The following MYCT1 variants were observed in gnomAD, a reference collection of about 807,000 sequenced individuals.
The protein encoded by MYCT1 is MYC target 1, also known as myc target protein 1.
MYCT1 carries 12 observed loss-of-function variants against 15.0 expected under a neutral mutation model. That is an observed-to-expected ratio of 0.80 (90% CI 0.51 to 1.29). The LOEUF is 1.29. Among genes scored for constraint, MYCT1 ranks in the 50% most tolerant of loss-of-function variants. MYCT1 has a pLI of 0.00. For synonymous variants in MYCT1, 104 were observed against 102.7 expected, an observed-to-expected ratio of 1.01 and a Z score of -0.07; for missense variants, 287 against 279.1, an observed-to-expected ratio of 1.03 and a Z score of -0.20.
downstream of MYCT1, among the ~76,000 whole-genome samples, chr6:152,726,349 A>G (rs2099725645): frequency 6.7e-6 from 1 of 148,566 alleles, no homozygotes; most frequent in South Asian, 2.2e-4. Flanking sequence ...GTGAGCCGAG[A>G]TTGTGCAATT....
chr6:152,725,865 T>C (rs777627650), downstream of MYCT1, among the ~76,000 whole-genome samples: 3 of 152,202 alleles, frequency 2.0e-5, no homozygotes, highest in Non-Finnish European at 4.4e-5. Context: ...GCATTCCGTA[T>C]CAGATGTGAG....
intron 1 of MYCT1, among the ~76,000 whole-genome samples, chr6:152,704,536 T>C (rs2099721924): frequency 6.6e-6 from 1 of 152,196 alleles, no homozygotes; most frequent in Non-Finnish European, 1.5e-5. Context: ...GTATACAATG[T>C]GTAATGATCA....
At chr6:152,747,106 A>G in the MYCT1 span, among the ~76,000 whole-genome samples, 2 of 151,972 alleles carry the variant, frequency 1.3e-5, no homozygotes, top group Non-Finnish European at 2.9e-5. Context: ...CTAATTTAAA[A>G]GAATTGAAAG....
rs2099720703 is a variant in MYCT1 at position 152,698,020 on chromosome 6, C to T, written c.118C>T (p.Leu40Phe). 1.2e-6 allele frequency: 2 copies of T among 1,609,798 alleles called. No homozygotes were observed. Among genetic ancestry groups the T allele is most frequent in the Non-Finnish European group, 8.5e-7 (1 of 1,178,120 alleles). The change falls in exon 1 of 2, where the codon CTC (leucine) becomes TTC (phenylalanine). Residue 40 changes from leucine (L) to phenylalanine (F), a missense_variant. Transcript: ENST00000367245. ...DILVFLSVFL[L>F]FLLFLVDIMA... ...ACTGGTTTTTCTTTCTGTTTTTCTTCTCTTTCTTCTATTTCTTGTGGATAT... is the reference window on the plus strand; with the variant it reads ...ACTGGTTTTTCTTTCTGTTTTTCTTTTCTTTCTTCTATTTCTTGTGGATAT...
chr6:152,743,206 C>T, the MYCT1 span, among the ~76,000 whole-genome samples: 14 of 152,084 alleles, frequency 9.2e-5, no homozygotes, highest in Admixed American at 7.9e-4. Context: ...GCTGGGAACA[C>T]AGGCATGCAC....
the MYCT1 span, among the ~76,000 whole-genome samples, chr6:152,746,749 A>C: frequency 1.3e-5 from 2 of 152,230 alleles, no homozygotes; most frequent in African/African-American, 4.8e-5. Context: ...CGTCTGATAC[A>C]TACAACCCTA....
downstream of MYCT1, among the ~76,000 whole-genome samples, chr6:152,727,740 C>T (rs896243749): frequency 3.3e-5 from 5 of 152,190 alleles, no homozygotes; most frequent in South Asian, 1.0e-3. Flanking sequence ...TGACAAATCC[C>T]TGCTCCCAAT....
At chr6:152,714,913 G>A (rs2099723378) in intron 1 of MYCT1, among the ~76,000 whole-genome samples, 1 of 151,856 alleles carries the variant, frequency 6.6e-6, no homozygotes, top group African/African-American at 2.4e-5. Context: ...AGTCCAACTT[G>A]GGATTGATCT....
intron 1 of MYCT1, among the ~76,000 whole-genome samples, chr6:152,706,519 T>A (rs2099722298): frequency 6.6e-6 from 1 of 151,962 alleles, no homozygotes; most frequent in Non-Finnish European, 1.5e-5. Context: ...CTGTGGAGAG[T>A]GAGAATAATC....
the MYCT1 span, among the ~76,000 whole-genome samples, chr6:152,733,249 G>A: frequency 4.6e-5 from 7 of 151,916 alleles, no homozygotes; most frequent in African/African-American, 9.7e-5. Context: ...GATGACAGAC[G>A]CATGCCACCA....
rs1291081148 is a variant in MYCT1 at position 152,712,353 on chromosome 6, G to A, written c.197-9389G>A. On this transcript the variant is annotated intron_variant, in intron 1 of 1. Coordinates refer to ENST00000367245, the MANE Select transcript of MYCT1 (RefSeq NM_025107.3). ...ATGTATATTCTGTTGATTTGGGGTG[G>A]AGAGTTCTGTAGATGTCTATTAGGT... Among the ~76,000 whole-genome samples the A allele has an allele frequency of 6.3e-5, 4 of 64,000 alleles. 2 individuals carry two copies. The highest frequency in any genetic ancestry group is 1.5e-4 in the Non-Finnish European group (4 of 27,508). The allele number at this position is 64,000 out of a possible 152,430, so 42.0% of individuals were successfully genotyped here. A position where few individuals can be genotyped will look rare whatever the true frequency, so the allele number is the denominator to read the frequency against.
intron 1 of MYCT1, chr6:152,705,700 A>T (rs2099722137): frequency 5.3e-6 from 1 of 189,844 alleles, no homozygotes; most frequent in African/African-American, 2.4e-5. Context: ...AATGTTTATT[A>T]TTTTAATTTA....
chr6:152,698,417 A>T (rs1233744455), intron 1 of MYCT1, among the ~76,000 whole-genome samples: 1 of 152,206 alleles, frequency 6.6e-6, no homozygotes, highest in East Asian at 1.9e-4. Context: ...AAAATAAAAA[A>T]CATAAGGTGG....
intron 1 of MYCT1, among the ~76,000 whole-genome samples, chr6:152,700,834 G>A (rs1442699367): frequency 6.6e-6 from 1 of 152,000 alleles, no homozygotes; most frequent in African/African-American, 2.4e-5. Flanking sequence ...TTTTCCTTAT[G>A]GCTAGCTTTG....
At chr6:152,738,214 G>A in the MYCT1 span, among the ~76,000 whole-genome samples, 1 of 151,858 alleles carries the variant, frequency 6.6e-6, no homozygotes. Context: ...AACTATCATA[G>A]ACATATATTT....
the MYCT1 span, among the ~76,000 whole-genome samples, chr6:152,736,766 A>G: frequency 6.6e-6 from 1 of 152,134 alleles, no homozygotes; most frequent in African/African-American, 2.4e-5. Context: ...ACTTCTCGGA[A>G]TAAAAAATTT....
At chr6:152,720,601 T>C (rs1237375559) in intron 1 of MYCT1, among the ~76,000 whole-genome samples, 1 of 152,164 alleles carries the variant, frequency 6.6e-6, no homozygotes, top group African/African-American at 2.4e-5. Context: ...TACTTGAAGG[T>C]AGAGCTTGAA....
intron 1 of MYCT1, among the ~76,000 whole-genome samples, chr6:152,706,849 G>A (rs1583966928): frequency 1.2e-5 from 1 of 82,346 alleles, no homozygotes; most frequent in South Asian, 5.1e-4. Context: ...AACCATATAT[G>A]TGTGTGTGTG....
chr6:152,698,538 T>C (rs1005140064), intron 1 of MYCT1, among the ~76,000 whole-genome samples: 2 of 152,166 alleles, frequency 1.3e-5, no homozygotes, highest in Admixed American at 6.5e-5. Flanking sequence ...AGATTTTCCA[T>C]AGAGGCTATT....
Sources: gnomAD v4.1 joint callset for allele counts (sites outside exome capture counted in the v4.1 genomes callset) on GRCh38, gnomAD v4.1.1 for gene constraint, MANE v1.5 for transcripts, NCBI Gene and HGNC (gene_info 2026-07-23, HGNC 2026-07-21) for gene names.